Variants in SRRM4 observed in about 807,000 individuals in gnomAD.
SRRM4 encodes serine/arginine repetitive matrix protein 4.
A neutral mutation model predicts 68.9 loss-of-function variants in SRRM4; 33 were observed. The observed-to-expected ratio is 0.48, with a 90% CI of 0.36 to 0.64. The LOEUF (loss-of-function observed/expected upper bound fraction) is 0.64, where lower values mean the gene tolerates loss of function less well. SRRM4 is among the 30% of genes least tolerant of loss of function. SRRM4 has a pLI of 0.00. For synonymous variants in SRRM4, 318 were observed against 318.8 expected, an observed-to-expected ratio of 1.00 and a Z score of 0.03; for missense variants, 817 against 827.1, an observed-to-expected ratio of 0.99 and a Z score of 0.15.
At chr12:119,109,023 A>T (rs1238540067) in intron 2 of SRRM4, among the ~76,000 whole-genome samples, 2 of 152,142 alleles carry the variant, frequency 1.3e-5, no homozygotes, top group African/African-American at 2.4e-5. Context: ...CCTGGTGGTG[A>T]CAAAGTCTCT....
At chr12:119,084,589 T>C (rs919430610) in intron 1 of SRRM4, among the ~76,000 whole-genome samples, 1 of 152,208 alleles carries the variant, frequency 6.6e-6, no homozygotes, top group Admixed American at 6.5e-5. Flanking sequence ...GATTGGGCTA[T>C]TTCTCTAGTT....
Position 119,122,087 on chromosome 12 carries a change from G to A in SRRM4, c.482G>A (p.Ser161Asn). 1 of 1,611,380 alleles carries A rather than the reference G, an allele frequency of 6.2e-7. No individual in the cohort carries two copies. Among genetic ancestry groups the A allele is most frequent in the Non-Finnish European group, 8.5e-7 (1 of 1,177,628 alleles). Residue 161 changes from serine (S) to asparagine (N), a missense_variant, in exon 6 of 13, where the codon AGC becomes AAC. Coordinates refer to ENST00000267260, the MANE Select transcript of SRRM4 (RefSeq NM_194286.4). ...TTGTTTAGCTCCTCTAGCCCAAAAA[G>A]CAAAAGAAGAGATGAGAAGAGGCAC... The part of the protein sequence containing the change: ...KRRHSSSSPK[S>N]KRRDEKRHKK...
At chr12:119,057,896 GT>G (rs1018760175) in intron 1 of SRRM4, among the ~76,000 whole-genome samples, 1 of 152,080 alleles carries the variant, frequency 6.6e-6, no homozygotes, top group African/African-American at 2.4e-5. Context: ...TTGGTCCAGG[GT>G]TTTTTCTATC....
intron 4 of SRRM4, among the ~76,000 whole-genome samples, chr12:119,119,762 T>TGAG (rs1954206527): frequency 6.6e-6 from 1 of 151,140 alleles, no homozygotes; most frequent in African/African-American, 2.4e-5. Flanking sequence ...ATGATGAGGA[T>TGAG]GAGGAGGAGG....
intron 1 of SRRM4, among the ~76,000 whole-genome samples, chr12:119,034,863 T>C (rs779912381): frequency 1.8e-4 from 28 of 152,208 alleles, no homozygotes; most frequent in Non-Finnish European, 3.2e-4. Context: ...CCCTTAAAAA[T>C]TCATATAATA....
intron 1 of SRRM4, among the ~76,000 whole-genome samples, chr12:119,064,578 G>A (rs997936222): frequency 1.4e-4 from 21 of 152,116 alleles, no homozygotes; most frequent in African/African-American, 4.3e-4. Context: ...CTATAACTCC[G>A]CTCTTAACCT....
intron 1 of SRRM4, among the ~76,000 whole-genome samples, chr12:119,011,955 T>A (rs1281401542): frequency 1.3e-5 from 2 of 152,132 alleles, no homozygotes; most frequent in Non-Finnish European, 2.9e-5. Context: ...ACCTCATAGG[T>A]TGAATTTGAG....
chr12:119,115,512 C>T (rs1954173877), intron 3 of SRRM4, among the ~76,000 whole-genome samples: 1 of 152,110 alleles, frequency 6.6e-6, no homozygotes, highest in South Asian at 2.1e-4. Context: ...CATCTGATGA[C>T]TTGGGCTTCA....
Position 119,076,075 on chromosome 12 carries a change from GATA to G in SRRM4, c.132-26152_132-26150del, listed in dbSNP as rs370781667. Among the ~76,000 whole-genome samples, 124 of 152,104 alleles carry G rather than the reference GATA, an allele frequency of 8.2e-4. 1 individual carries two copies. The highest frequency in any genetic ancestry group is 2.7e-3 in the African/African-American group (113 of 41,478). On this transcript the variant is annotated intron_variant, in intron 1 of 12. Transcript: ENST00000267260. ...TGATGGTGATGGTAGTAATGGTAAT[GATA>G]ATAATAATGATGGTGACGATAACAA...
At chr12:119,124,757 G>A (rs1954246277) in intron 6 of SRRM4, among the ~76,000 whole-genome samples, 1 of 152,076 alleles carries the variant, frequency 6.6e-6, no homozygotes, top group Non-Finnish European at 1.5e-5. Context: ...TTCCAGGTCT[G>A]AGGTTGTAAA....
At chr12:119,151,543 A>C (rs1313520410) in intron 10 of SRRM4, among the ~76,000 whole-genome samples, 4 of 152,228 alleles carry the variant, frequency 2.6e-5, no homozygotes, top group Non-Finnish European at 2.9e-5. Flanking sequence ...AATGTGTATC[A>C]ATTAACTTCT....
At chr12:118,987,812 T>C (rs1953291804) in intron 1 of SRRM4, among the ~76,000 whole-genome samples, 1 of 152,224 alleles carries the variant, frequency 6.6e-6, no homozygotes, top group African/African-American at 2.4e-5. Context: ...TTGAATGTCC[T>C]CTAGTGAGGG....
At chr12:119,027,950 A>C (rs1594033477) in intron 1 of SRRM4, among the ~76,000 whole-genome samples, 1 of 152,372 alleles carries the variant, frequency 6.6e-6, no homozygotes, top group East Asian at 1.9e-4. Flanking sequence ...TGGAGTATGC[A>C]CAGGATAATA....
At chr12:119,127,492 C>T (rs961437231) in intron 7 of SRRM4, among the ~76,000 whole-genome samples, 1 of 151,940 alleles carries the variant, frequency 6.6e-6, no homozygotes, top group African/African-American at 2.4e-5. Context: ...CTTTGGGGGG[C>T]CGAGGTGGGC....
chr12:119,085,373 A>G (rs1256641316), intron 1 of SRRM4, among the ~76,000 whole-genome samples: 2 of 152,238 alleles, frequency 1.3e-5, no homozygotes, highest in Non-Finnish European at 2.9e-5. Context: ...CAATTGCTCA[A>G]GGTCACAGAG....
chr12:119,115,242 G>A (rs73213756), intron 3 of SRRM4, among the ~76,000 whole-genome samples: 5,976 of 152,054 alleles, frequency 0.039, 135 homozygotes, highest in African/African-American at 0.055. Flanking sequence ...GAGGGGAGGG[G>A]TGCTGTTTGT....
chr12:119,112,450 T>G (rs144949964), intron 2 of SRRM4, among the ~76,000 whole-genome samples: 1 of 152,202 alleles, frequency 6.6e-6, no homozygotes, highest in Non-Finnish European at 1.5e-5. Context: ...ACTGGGTATA[T>G]ACCCAAAGGA....
intron 1 of SRRM4, among the ~76,000 whole-genome samples, chr12:119,007,699 C>T (rs1320100365): frequency 6.6e-6 from 1 of 152,166 alleles, no homozygotes; most frequent in African/African-American, 2.4e-5. Context: ...AAATAACAAC[C>T]AGAACTTGAA....
intron 1 of SRRM4, among the ~76,000 whole-genome samples, chr12:119,063,093 T>G (rs1953824482): frequency 6.6e-6 from 1 of 152,246 alleles, no homozygotes; most frequent in Admixed American, 6.5e-5. Context: ...ATCACATTTC[T>G]AAATAATTCA....
Sources: allele counts gnomAD v4.1 joint callset (sites outside exome capture counted in the v4.1 genomes callset), GRCh38; gene constraint gnomAD v4.1.1; transcripts MANE v1.5; gene names NCBI Gene and HGNC (gene_info 2026-07-23, HGNC 2026-07-21).